Variants in POM121 observed in about 807,000 individuals in gnomAD.
The protein encoded by POM121 is nuclear envelope pore membrane protein POM 121.
Under a neutral mutation model 81.3 loss-of-function variants are expected in POM121, and 32 were observed. The observed-to-expected ratio is 0.39, with a 90% CI of 0.30 to 0.53. POM121 has a LOEUF of 0.53. Ranked by LOEUF, POM121 falls within the 20% of genes least tolerant of loss-of-function variation. The pLI is 0.66. For synonymous variants in POM121, 514 were observed against 694.2 expected (o/e 0.74, Z 4.08); for missense variants, 1,138 against 1,614.6 (o/e 0.70, Z 5.06).
At chr7:72,915,806 G>A (rs2129576705) in intron 4 of POM121, among the ~76,000 whole-genome samples, 1 of 152,262 alleles carries the variant, frequency 6.6e-6, no homozygotes, top group East Asian at 1.9e-4. Flanking sequence ...CCAAGTAGCT[G>A]AGATTATAGG....
chr7:72,933,578 G>A (rs1458523897), intron 5 of POM121, among the ~76,000 whole-genome samples: 1 of 152,190 alleles, frequency 6.6e-6, no homozygotes, highest in Non-Finnish European at 1.5e-5. Flanking sequence ...AACCATAGAA[G>A]TGCAGTGTTA....
intron 3 of POM121, among the ~76,000 whole-genome samples, chr7:72,899,814 C>T (rs762513775): frequency 3.3e-5 from 5 of 151,698 alleles, no homozygotes; most frequent in Non-Finnish European, 7.4e-5. Flanking sequence ...CTCCTGAACT[C>T]GTGATCCACC....
chr7:72,937,410 C>G (rs1796618498), intron 5 of POM121, among the ~76,000 whole-genome samples: 1 of 151,624 alleles, frequency 6.6e-6, no homozygotes, highest in African/African-American at 2.4e-5. Flanking sequence ...GCCTGTAATC[C>G]CATGTTTTTT....
intron 1 of POM121, among the ~76,000 whole-genome samples, chr7:72,889,192 T>A (rs1413798355): frequency 6.6e-6 from 1 of 152,208 alleles, no homozygotes; most frequent in Non-Finnish European, 1.5e-5. Context: ...GTTATTACTC[T>A]CTCTTGGTGA....
intron 5 of POM121, among the ~76,000 whole-genome samples, chr7:72,934,861 G>A (rs1401646316): frequency 6.6e-6 from 1 of 152,156 alleles, no homozygotes; most frequent in Middle Eastern, 3.4e-3. Context: ...TCTAGACTCT[G>A]TTTTGTTCCA....
chr7:72,880,969 C>A, intron 1 of POM121, among the ~76,000 whole-genome samples: 1 of 104,776 alleles, frequency 9.5e-6, no homozygotes, highest in African/African-American at 3.0e-5. Flanking sequence ...TGATGGCAGA[C>A]TATTTGTAAA....
intron 5 of POM121, 130 bp downstream of exon 5, chr7:72,930,241 G>A: frequency 7.8e-7 from 1 of 1,287,238 alleles, no homozygotes; most frequent in Non-Finnish European, 1.0e-6. Context: ...GATTGCTTGA[G>A]CCCAGGAGTT....
chr7:72,930,312 T>A (rs558532716), intron 5 of POM121, among the ~76,000 whole-genome samples: 106 of 152,278 alleles, frequency 7.0e-4, no homozygotes, highest in Admixed American at 1.7e-3. Context: ...TTAAAGAAAA[T>A]TTTTTAAATA....
At chr7:72,914,821 A>T (rs572658635) in intron 4 of POM121, among the ~76,000 whole-genome samples, 8 of 151,962 alleles carry the variant, frequency 5.3e-5, no homozygotes, top group Non-Finnish European at 1.0e-4. Flanking sequence ...GTGTGCCTGG[A>T]AGCACACACC....
intron 4 of POM121, among the ~76,000 whole-genome samples, chr7:72,929,470 T>G (rs1221729740): frequency 6.6e-6 from 1 of 152,210 alleles, no homozygotes; most frequent in Non-Finnish European, 1.5e-5. Flanking sequence ...AGTAAAATGA[T>G]GGGTTCCTCT....
intron 3 of POM121, among the ~76,000 whole-genome samples, chr7:72,899,910 C>T (rs1586091182): frequency 7.5e-6 from 1 of 133,278 alleles, no homozygotes; most frequent in East Asian, 2.4e-4. Context: ...ACTTGAGCAC[C>T]AGATTTTTAT....
chr7:72,920,497 A>G (rs145601363), upstream of POM121, among the ~76,000 whole-genome samples: 1 of 151,726 alleles, frequency 6.6e-6, no homozygotes, highest in African/African-American at 2.4e-5. Flanking sequence ...TACAGGCACC[A>G]GTCACCATCA....
At chr7:72,914,953 C>CT (rs1209876379) in intron 4 of POM121, among the ~76,000 whole-genome samples, 2 of 152,172 alleles carry the variant, frequency 1.3e-5, no homozygotes, top group Non-Finnish European at 2.9e-5. Context: ...ATGCAACTGA[C>CT]TTTCTGCCAC....
chr7:72,917,420 T>TC (rs1337593053), intron 4 of POM121, among the ~76,000 whole-genome samples: 3 of 152,144 alleles, frequency 2.0e-5, no homozygotes, highest in African/African-American at 7.2e-5. Flanking sequence ...ACAAAGCCCG[T>TC]GTAACACCTG....
intron 5 of POM121, among the ~76,000 whole-genome samples, chr7:72,930,965 A>C (rs1393758749): frequency 6.6e-6 from 1 of 152,122 alleles, no homozygotes; most frequent in Non-Finnish European, 1.5e-5. Flanking sequence ...AGCACCTATT[A>C]CAGTGGCTGT....
At chr7:72,934,245 C>T (rs868938362) in intron 5 of POM121, among the ~76,000 whole-genome samples, 7 of 151,374 alleles carry the variant, frequency 4.6e-5, no homozygotes, top group South Asian at 4.2e-4. Flanking sequence ...CCACCATGCC[C>T]GGCTAATTTT....
Position 72,937,091 on chromosome 7 carries a change from C to CTAG in POM121, c.1276-1497_1276-1496insGTA, listed in dbSNP as rs1554499665. ...CCAACATGGTGAAACCCTGTCTCTACTAAAGATACAAAAATTAGCTGGGTG... is the reference window on the plus strand; with the variant it reads ...CCAACATGGTGAAACCCTGTCTCTACTAGTAAAGATACAAAAATTAGCTGGGTG... On this transcript the variant is annotated intron_variant, in intron 5 of 12. Transcript: ENST00000434423. 1.3e-5 allele frequency among the ~76,000 whole-genome samples: 2 copies of CTAG among 152,066 alleles called. 1 individual carries two copies. The highest frequency in any genetic ancestry group is 2.9e-5 in the Non-Finnish European group (2 of 68,008).
At chr7:72,935,287 C>G (rs2129579074) in intron 5 of POM121, among the ~76,000 whole-genome samples, 1 of 152,142 alleles carries the variant, frequency 6.6e-6, no homozygotes, top group East Asian at 1.9e-4. Context: ...ATTCTCCTGC[C>G]TCAGCCTCTT....
chr7:72,945,166 C>T (rs563786186), intron 11 of POM121, among the ~76,000 whole-genome samples: 1 of 152,224 alleles, frequency 6.6e-6, no homozygotes, highest in South Asian at 2.1e-4. Context: ...AGGGAGGGGA[C>T]CACGGGGCAT....
Sources: allele counts gnomAD v4.1 joint callset (sites outside exome capture counted in the v4.1 genomes callset), GRCh38; gene constraint gnomAD v4.1.1; transcripts MANE v1.5; gene names NCBI Gene and HGNC (gene_info 2026-07-23, HGNC 2026-07-21).